ARHGEF3: variants seen among roughly 807,000 people sequenced by gnomAD.
The protein encoded by ARHGEF3 is 59.8 kDA protein.
ARHGEF3 carries 28 observed loss-of-function variants against 63.2 expected under a neutral mutation model. That is an observed-to-expected ratio of 0.44 (90% CI 0.33 to 0.61). The LOEUF (loss-of-function observed/expected upper bound fraction) is 0.61. Among genes scored for constraint, ARHGEF3 ranks in the 20% least tolerant of loss-of-function variants. The pLI, the probability that ARHGEF3 is intolerant of heterozygous loss-of-function variation, is 0.03. For synonymous variants in ARHGEF3, 266 were observed against 254.2 expected (o/e 1.05, Z -0.44); for missense variants, 533 against 659.3 (o/e 0.81, Z 2.10).
chr3:57,077,604 G>A (rs1315535618), intron 1 of ARHGEF3, among the ~76,000 whole-genome samples: 1 of 152,124 alleles, frequency 6.6e-6, no homozygotes, highest in East Asian at 1.9e-4. Flanking sequence ...ATGAATGTGG[G>A]AGAAGGTGAC....
At chr3:56,750,929 T>G (rs2034701632) in intron 6 of ARHGEF3, 127 bp downstream of exon 6, 1 of 601,988 alleles carries the variant, frequency 1.7e-6, no homozygotes, top group African/African-American at 1.9e-5. Context: ...ACTAGGATTT[T>G]TTTTTCTGAT....
intron 3 of ARHGEF3, among the ~76,000 whole-genome samples, chr3:56,896,211 A>C (rs2108295794): frequency 6.6e-6 from 1 of 152,340 alleles, no homozygotes; most frequent in Middle Eastern, 3.4e-3. Flanking sequence ...CAAGTCCAGA[A>C]TAAGATACTC....
intron 2 of ARHGEF3, among the ~76,000 whole-genome samples, chr3:57,027,503 A>G (rs1383856614): frequency 6.6e-6 from 1 of 152,154 alleles, no homozygotes; most frequent in African/African-American, 2.4e-5. Flanking sequence ...GAGGACCCAG[A>G]CAGACAAGAA....
intron 3 of ARHGEF3, among the ~76,000 whole-genome samples, chr3:56,942,624 A>G (rs1392063324): frequency 6.6e-6 from 1 of 152,198 alleles, no homozygotes; most frequent in East Asian, 1.9e-4. Context: ...AGAGTTGCCT[A>G]TCTCTCACTT....
chr3:57,008,381 C>T (rs936917819), intron 2 of ARHGEF3, among the ~76,000 whole-genome samples: 9 of 152,010 alleles, frequency 5.9e-5, no homozygotes, highest in Admixed American at 1.3e-4. Context: ...TAAAACTCCA[C>T]GTAACAGCCC....
intron 3 of ARHGEF3, among the ~76,000 whole-genome samples, chr3:56,895,408 G>A (rs1343082070): frequency 1.3e-5 from 2 of 152,096 alleles, no homozygotes; most frequent in Non-Finnish European, 2.9e-5. Context: ...CCTCCAGTGC[G>A]GACATACAGA....
intron 2 of ARHGEF3, among the ~76,000 whole-genome samples, chr3:57,002,496 TG>T (rs1486141439): frequency 0.06 from 484 of 8,088 alleles, 40 homozygotes; most frequent in African/African-American, 0.13. Flanking sequence ...TATATATATA[TG>T]TTATATATAT....
intron 2 of ARHGEF3, among the ~76,000 whole-genome samples, chr3:57,003,525 G>A (rs1175491273): frequency 6.6e-6 from 1 of 151,934 alleles, no homozygotes; most frequent in African/African-American, 2.4e-5. Context: ...TAGCACTACA[G>A]GGTATGAGTC....
rs565490891 is a variant in ARHGEF3 at position 57,066,050 on chromosome 3, A to C, written c.-28+13176T>G. Among the ~76,000 whole-genome samples, 8 of 93,012 alleles carry C rather than the reference A, an allele frequency of 8.6e-5. No homozygotes were observed. In the South Asian group the frequency reaches 2.8e-3, roughly 32 times the overall value. 61.0% of individuals were successfully genotyped at this position (93,012 alleles called of 152,430 possible). On this transcript the variant is annotated intron_variant, in intron 1 of 12. Transcript: ENST00000338458. ...ACTCTGTCTCCAAAACAAAAAAAAA[A>C]AACCCTAAAATGTAAGAAAAAATCC...
At chr3:56,915,413 C>T (rs1275652651) in intron 3 of ARHGEF3, among the ~76,000 whole-genome samples, 5 of 152,128 alleles carry the variant, frequency 3.3e-5, no homozygotes, top group Non-Finnish European at 5.9e-5. Flanking sequence ...TTGCAGTGAG[C>T]CGTGATTGTG....
chr3:56,919,662 CA>C (rs1186839220), intron 3 of ARHGEF3, among the ~76,000 whole-genome samples: 2 of 152,212 alleles, frequency 1.3e-5, no homozygotes, highest in African/African-American at 4.8e-5. Context: ...TGGATATTAA[CA>C]TATCATACAG....
At chr3:56,973,432 G>T (rs1194221667) in intron 2 of ARHGEF3, among the ~76,000 whole-genome samples, 1 of 152,216 alleles carries the variant, frequency 6.6e-6, no homozygotes, top group South Asian at 2.1e-4. Context: ...ACAATGGGAA[G>T]ATAGCAAAGG....
intron 2 of ARHGEF3, among the ~76,000 whole-genome samples, chr3:57,026,524 G>A (rs1021493517): frequency 6.6e-6 from 1 of 152,208 alleles, no homozygotes; most frequent in Admixed American, 6.5e-5. Flanking sequence ...CTCTCACCTG[G>A]CAGGAATTTT....
At chr3:56,888,021 A>C (rs557835830) in intron 3 of ARHGEF3, among the ~76,000 whole-genome samples, 115 of 152,322 alleles carry the variant, frequency 7.5e-4, no homozygotes, top group Middle Eastern at 3.4e-3. Flanking sequence ...AGGTCATTGA[A>C]GGCTTAAATT....
At chr3:56,952,145 A>G (rs1699841913) in intron 3 of ARHGEF3, among the ~76,000 whole-genome samples, 1 of 151,992 alleles carries the variant, frequency 6.6e-6, no homozygotes, top group South Asian at 2.1e-4. Flanking sequence ...GAGTGGGCCT[A>G]ATTTAGTCTG....
chr3:57,058,328 G>C (rs1187776144), intron 1 of ARHGEF3, among the ~76,000 whole-genome samples: 1 of 152,138 alleles, frequency 6.6e-6, no homozygotes, highest in African/African-American at 2.4e-5. Flanking sequence ...TGCCATTACA[G>C]TTTTACATAC....
At chr3:57,035,045 AT>A (rs1703894048) in intron 2 of ARHGEF3, 1 of 1,457,010 alleles carries the variant, frequency 6.9e-7, no homozygotes, top group African/African-American at 1.4e-5. Context: ...GCATACAGGA[AT>A]TTTAAAATTT....
chr3:56,970,011 T>C (rs1375984715), intron 2 of ARHGEF3, among the ~76,000 whole-genome samples: 1 of 152,018 alleles, frequency 6.6e-6, no homozygotes, highest in Non-Finnish European at 1.5e-5. Flanking sequence ...AGTCAGAAAG[T>C]AGATTAGCTC....
At chr3:56,926,605 C>G (rs1307357553) in intron 3 of ARHGEF3, among the ~76,000 whole-genome samples, 1 of 152,156 alleles carries the variant, frequency 6.6e-6, no homozygotes, top group Non-Finnish European at 1.5e-5. Flanking sequence ...TCTGCCCTTC[C>G]AACAGAAGGA....
Sources: allele counts gnomAD v4.1 joint callset (sites outside exome capture counted in the v4.1 genomes callset), GRCh38; gene constraint gnomAD v4.1.1; transcripts MANE v1.5; gene names NCBI Gene and HGNC (gene_info 2026-07-23, HGNC 2026-07-21).